The following CPNE4 variants were observed in gnomAD, a reference collection of about 807,000 sequenced individuals.
CPNE4 encodes copine 4, also known as copine-4.
CPNE4 carries 25 observed loss-of-function variants against 67.9 expected under a neutral mutation model. The ratio of observed to expected loss-of-function variants is 0.37; its 90% CI spans 0.27 to 0.51. The LOEUF (loss-of-function observed/expected upper bound fraction) is 0.51. Among genes scored for constraint, CPNE4 ranks in the 20% least tolerant of loss-of-function variants. CPNE4 has a pLI of 0.93. For synonymous variants in CPNE4, 242 were observed against 244.9 expected, an observed-to-expected ratio of 0.99 and a Z score of 0.11; for missense variants, 464 against 690.8, an observed-to-expected ratio of 0.67 and a Z score of 3.68.
At chr3:131,734,323 C>G (rs1168488708) in intron 2 of CPNE4, among the ~76,000 whole-genome samples, 2 of 152,108 alleles carry the variant, frequency 1.3e-5, no homozygotes. Context: ...ATAGCGGTAA[C>G]CTTGGATCTT....
intron 2 of CPNE4, among the ~76,000 whole-genome samples, chr3:131,807,235 C>T (rs980246250): frequency 6.6e-6 from 1 of 152,040 alleles, no homozygotes; most frequent in Non-Finnish European, 1.5e-5. Flanking sequence ...GTTTCCTTGC[C>T]CCAAGCCAGA....
chr3:131,550,714 C>T (rs1019785824), intron 13 of CPNE4, among the ~76,000 whole-genome samples: 9 of 152,026 alleles, frequency 5.9e-5, no homozygotes, highest in Admixed American at 4.6e-4. Flanking sequence ...GTAATGCTCA[C>T]CAAGTGTGTG....
In CPNE4 at chr3:131,930,767, A is replaced by G. The variant is rs1195250296; in HGVS notation, c.-1-25323T>C. On this transcript the variant is annotated intron_variant, in intron 1 of 15. Coordinates refer to ENST00000429747, the MANE Select transcript of CPNE4 (RefSeq NM_130808.3). ...TGGGCCCTCACATATGGGAGCTTAA[A>G]GAAAAATGCTGCCACCCTTTAGGGC... Among the ~76,000 whole-genome samples the G allele has an allele frequency of 2.0e-5, 3 of 152,160 alleles. No homozygotes were observed. The East Asian group carries it at 5.8e-4, about 29-fold the overall frequency.
At chr3:131,702,918 T>C (rs935140965) in intron 3 of CPNE4, among the ~76,000 whole-genome samples, 2 of 152,246 alleles carry the variant, frequency 1.3e-5, no homozygotes, top group Non-Finnish European at 2.9e-5. Flanking sequence ...CATTTGGGTA[T>C]ACAAGTGGTG....
chr3:131,631,904 C>T (rs61586851), intron 7 of CPNE4, among the ~76,000 whole-genome samples: 38,467 of 145,500 alleles, frequency 0.26, 8,487 homozygotes, highest in African/African-American at 0.61. Context: ...TTTCTTTTTT[C>T]TTTTTTTTTG....
At chr3:131,901,828 T>C (rs904881190) in intron 2 of CPNE4, among the ~76,000 whole-genome samples, 1 of 150,622 alleles carries the variant, frequency 6.6e-6, no homozygotes, top group African/African-American at 2.4e-5. Context: ...AACCCTTAAT[T>C]TGAAACATTT....
chr3:131,954,039 A>G (rs2071861137), intron 1 of CPNE4, among the ~76,000 whole-genome samples: 1 of 152,214 alleles, frequency 6.6e-6, no homozygotes, highest in Non-Finnish European at 1.5e-5. Context: ...TATAAATAAG[A>G]AAGACAGCAG....
chr3:131,679,734 G>A (rs1428907304), intron 6 of CPNE4, among the ~76,000 whole-genome samples: 1 of 152,086 alleles, frequency 6.6e-6, no homozygotes, highest in East Asian at 1.9e-4. Context: ...GTAATTGTAT[G>A]GTTTTGAGTG....
At chr3:131,624,906 A>C (rs184080645) in intron 7 of CPNE4, among the ~76,000 whole-genome samples, 1 of 152,196 alleles carries the variant, frequency 6.6e-6, no homozygotes, top group Non-Finnish European at 1.5e-5. Context: ...CCAGAACTGC[A>C]CTTCTCATGC....
At chr3:131,891,615 T>C (rs1027921161) in intron 2 of CPNE4, among the ~76,000 whole-genome samples, 2 of 152,054 alleles carry the variant, frequency 1.3e-5, no homozygotes. Flanking sequence ...TGTTGTTCCC[T>C]GCTATGTGTA....
chr3:131,770,518 C>A (rs910914659), intron 2 of CPNE4, among the ~76,000 whole-genome samples: 6 of 152,176 alleles, frequency 3.9e-5, no homozygotes, highest in African/African-American at 1.4e-4. Flanking sequence ...AGCTAGCAAC[C>A]AGGGGAGACA....
chr3:131,586,491 G>T (rs1938187669), intron 8 of CPNE4, among the ~76,000 whole-genome samples: 1 of 152,178 alleles, frequency 6.6e-6, no homozygotes, highest in East Asian at 1.9e-4. Context: ...CAACTGAAGG[G>T]CAAGGGAGCT....
intron 1 of CPNE4, among the ~76,000 whole-genome samples, chr3:132,006,657 T>TTA (rs1288186677): frequency 6.6e-6 from 1 of 151,656 alleles, no homozygotes; most frequent in Non-Finnish European, 1.5e-5. Flanking sequence ...TTCTTTCCAT[T>TTA]TTTTTTTGTT....
chr3:131,680,607 C>T (rs573456860), intron 6 of CPNE4, among the ~76,000 whole-genome samples: 1 of 152,102 alleles, frequency 6.6e-6, no homozygotes, highest in East Asian at 1.9e-4. Context: ...AAAAGTATTT[C>T]ATTATACTTT....
intron 1 of CPNE4, among the ~76,000 whole-genome samples, chr3:131,984,514 A>G (rs2072994726): frequency 6.6e-6 from 1 of 152,138 alleles, no homozygotes; most frequent in Non-Finnish European, 1.5e-5. Flanking sequence ...TGATGTGTAA[A>G]CAAGCTTCTG....
chr3:131,783,496 G>A (rs1212930646), intron 2 of CPNE4, among the ~76,000 whole-genome samples: 1 of 152,120 alleles, frequency 6.6e-6, no homozygotes, highest in African/African-American at 2.4e-5. Flanking sequence ...GGTGGTGGCA[G>A]TAGTAATTGT....
intron 6 of CPNE4, among the ~76,000 whole-genome samples, chr3:131,679,724 G>A (rs72983668): frequency 0.02 from 2,993 of 152,222 alleles, 94 homozygotes; most frequent in African/African-American, 0.068. Flanking sequence ...CAATTTTTAT[G>A]TAATTGTATG....
chr3:131,725,752 A>T (rs1486130084), intron 2 of CPNE4, among the ~76,000 whole-genome samples: 2 of 152,158 alleles, frequency 1.3e-5, no homozygotes, highest in African/African-American at 2.4e-5. Context: ...TCATTTTCCC[A>T]CTTAATAAGG....
At chr3:131,657,220 A>G (rs1321507672) in intron 7 of CPNE4, among the ~76,000 whole-genome samples, 2 of 152,208 alleles carry the variant, frequency 1.3e-5, no homozygotes. Context: ...ATGACCCTGA[A>G]GTTTATGGTT....
Sources: gnomAD v4.1 joint callset for allele counts (sites outside exome capture counted in the v4.1 genomes callset) on GRCh38, gnomAD v4.1.1 for gene constraint, MANE v1.5 for transcripts, NCBI Gene and HGNC (gene_info 2026-07-23, HGNC 2026-07-21) for gene names.